The following XYLT1 variants were observed in gnomAD, a reference collection of about 807,000 sequenced individuals.
The protein encoded by XYLT1 is beta-D-xylosyltransferase 1.
In XYLT1, 36 loss-of-function variants were observed where a neutral mutation model predicts 91.3. The ratio of observed to expected loss-of-function variants is 0.39; its 90% CI spans 0.30 to 0.52. The LOEUF (loss-of-function observed/expected upper bound fraction) is 0.52, where lower values mean the gene tolerates loss of function less well. XYLT1 is among the 20% of genes least tolerant of loss of function. The probability of loss-of-function intolerance (pLI) is 0.68; values close to 1 mark genes in which losing one functional copy is unlikely to be tolerated. For synonymous variants in XYLT1, 588 were observed against 532.0 expected, an observed-to-expected ratio of 1.11 and a Z score of -1.45; for missense variants, 1,242 against 1,284.5, an observed-to-expected ratio of 0.97 and a Z score of 0.51.
intron 8 of XYLT1, 69 bp downstream of exon 8, chr16:17,138,286 T>G: frequency 6.4e-7 from 1 of 1,569,382 alleles, no homozygotes; most frequent in South Asian, 1.2e-5. Context: ...AGGTCTGGCC[T>G]TGGATTTCTG....
rs144663009 is a variant in XYLT1 at position 17,377,022 on chromosome 16, C to T, written c.364-18972G>A. The stretch of plus-strand genomic sequence containing the variant: ...TGAAACACCATTTCTTCTAAAAATA[C>T]AAAAATTAGCCGGGCATGGTGGCAC... On this transcript the variant is annotated intron_variant, in intron 1 of 11. Transcript: ENST00000261381. 7.2e-3 allele frequency among the ~76,000 whole-genome samples: 1,089 copies of T among 151,782 alleles called. 13 individuals are homozygous for T. Among genetic ancestry groups the T allele is most frequent in the African/African-American group, 0.024 (990 of 41,352 alleles).
intron 3 of XYLT1, among the ~76,000 whole-genome samples, chr16:17,217,214 G>C (rs2032876941): frequency 6.6e-6 from 1 of 152,148 alleles, no homozygotes; most frequent in Non-Finnish European, 1.5e-5. Context: ...CACACCACTT[G>C]GGGAGCTGCA....
intron 7 of XYLT1, among the ~76,000 whole-genome samples, chr16:17,140,944 C>T (rs1198040329): frequency 5.3e-5 from 8 of 151,750 alleles, no homozygotes; most frequent in Admixed American, 1.3e-4. Flanking sequence ...TGTGGACTGC[C>T]GGTGGTAGCA....
intron 1 of XYLT1, among the ~76,000 whole-genome samples, chr16:17,406,301 T>C (rs907509174): frequency 6.6e-6 from 1 of 152,210 alleles, no homozygotes; most frequent in African/African-American, 2.4e-5. Flanking sequence ...ATTAGTCAAA[T>C]AAATAGTCAC....
In XYLT1 at chr16:17,222,610, C is replaced by T. The variant is rs767379216; in HGVS notation, c.914-21956G>A. On this transcript the variant is annotated intron_variant, in intron 3 of 11. Coordinates refer to ENST00000261381, the MANE Select transcript of XYLT1 (RefSeq NM_022166.4). ...TTCAAGATCAGCCTGGCCAAAATGA[C>T]GAAACCCCATCTCTACTAAAAATAT... is the stretch of plus-strand genomic sequence containing the variant. Among the ~76,000 whole-genome samples the T allele has an allele frequency of 7.2e-5, 11 of 151,982 alleles. 1 individual carries two copies. Among genetic ancestry groups the T allele is most frequent in the East Asian group, 5.8e-4 (3 of 5,158 alleles).
intron 2 of XYLT1, among the ~76,000 whole-genome samples, chr16:17,281,615 A>C: frequency 6.6e-6 from 1 of 152,220 alleles, no homozygotes; most frequent in East Asian, 1.9e-4. Flanking sequence ...GAACCCAGAG[A>C]GTCCTTTGTC....
intron 10 of XYLT1, among the ~76,000 whole-genome samples, chr16:17,122,676 G>A (rs558165875): frequency 2.6e-4 from 40 of 152,292 alleles, no homozygotes; most frequent in African/African-American, 9.1e-4. Flanking sequence ...GTGTCTAGAA[G>A]GGTTTTTCCA....
intron 2 of XYLT1, among the ~76,000 whole-genome samples, chr16:17,331,776 C>G (rs1339965022): frequency 6.6e-6 from 1 of 152,172 alleles, no homozygotes; most frequent in Non-Finnish European, 1.5e-5. Context: ...TCCACTTTTC[C>G]CCACCACACT....
chr16:17,111,435 G>A (rs1966840616), intron 11 of XYLT1, among the ~76,000 whole-genome samples: 1 of 152,176 alleles, frequency 6.6e-6, no homozygotes, highest in Non-Finnish European at 1.5e-5. Context: ...CTGGTGAGTT[G>A]CGCTTTACCA....
At chr16:17,358,120 T>C (rs2035328548) in intron 1 of XYLT1, 70 bp from the exon 2 acceptor site, 2 of 1,380,964 alleles carry the variant, frequency 1.4e-6, no homozygotes, top group Non-Finnish European at 2.0e-6. Flanking sequence ...AGCATCTTTT[T>C]CTTTCTTTCC....
chr16:17,406,957 T>C (rs1244165564), intron 1 of XYLT1, among the ~76,000 whole-genome samples: 1 of 152,142 alleles, frequency 6.6e-6, no homozygotes, highest in African/African-American at 2.4e-5. Flanking sequence ...CTTTCGAAAG[T>C]CACCCTTTTA....
At chr16:17,119,308 G>T (rs56317210) in intron 10 of XYLT1, among the ~76,000 whole-genome samples, 32,666 of 151,958 alleles carry the variant, frequency 0.21, 4,359 homozygotes, top group East Asian at 0.61. Flanking sequence ...TAAATTAGGG[G>T]TCATCTAATT....
At chr16:17,448,617 T>C (rs760812372) in intron 1 of XYLT1, among the ~76,000 whole-genome samples, 3 of 148,112 alleles carry the variant, frequency 2.0e-5, no homozygotes, top group Non-Finnish European at 4.5e-5. Context: ...ATCTCCCTCA[T>C]CCAATTCCTC....
At chr16:17,316,861 G>A (rs146351354) in intron 2 of XYLT1, among the ~76,000 whole-genome samples, 3,556 of 146,652 alleles carry the variant, frequency 0.024, 150 homozygotes, top group African/African-American at 0.086. Context: ...TCGCTCTGTC[G>A]CCCAGGCTGG....
At chr16:17,215,279 C>T (rs903561431) in intron 3 of XYLT1, among the ~76,000 whole-genome samples, 1 of 152,172 alleles carries the variant, frequency 6.6e-6, no homozygotes, top group Admixed American at 6.5e-5. Context: ...TCACTTGAAC[C>T]CAGGAGGCAG....
chr16:17,202,240 T>C (rs1377967580), intron 3 of XYLT1, among the ~76,000 whole-genome samples: 1 of 152,172 alleles, frequency 6.6e-6, no homozygotes, highest in Admixed American at 6.5e-5. Flanking sequence ...TGTCCCAGCA[T>C]CTAAACCGGG....
intron 1 of XYLT1, among the ~76,000 whole-genome samples, chr16:17,424,769 G>A (rs547968847): frequency 3.5e-4 from 53 of 151,198 alleles, no homozygotes; most frequent in African/African-American, 1.3e-3. Flanking sequence ...TCGGGAGGCT[G>A]AGGCAGGAGA....
At chr16:17,137,966 A>G (rs2030807997) in intron 8 of XYLT1, among the ~76,000 whole-genome samples, 3 of 152,196 alleles carry the variant, frequency 2.0e-5, no homozygotes, top group African/African-American at 2.4e-5. Flanking sequence ...CTAGATATAT[A>G]CTTAAAAGCA....
At chr16:17,454,315 T>C (rs1040931173) in intron 1 of XYLT1, among the ~76,000 whole-genome samples, 1 of 152,168 alleles carries the variant, frequency 6.6e-6, no homozygotes, top group Non-Finnish European at 1.5e-5. Flanking sequence ...TATTCCACAA[T>C]GAAATAATGC....
Sources: allele counts gnomAD v4.1 joint callset (sites outside exome capture counted in the v4.1 genomes callset), GRCh38; gene constraint gnomAD v4.1.1; transcripts MANE v1.5; gene names NCBI Gene and HGNC (gene_info 2026-07-23, HGNC 2026-07-21).